ATG5: variants seen among roughly 807,000 people sequenced by gnomAD.
ATG5 encodes autophagy related 5, also known as autophagy protein 5.
A neutral mutation model predicts 36.5 loss-of-function variants in ATG5; 14 were observed. That is an observed-to-expected ratio of 0.38 (90% CI 0.25 to 0.60). ATG5 has a LOEUF of 0.60. Among genes scored for constraint, ATG5 ranks in the 20% least tolerant of loss-of-function variants. The probability of loss-of-function intolerance (pLI) is 0.60; values close to 1 mark genes in which losing one functional copy is unlikely to be tolerated. For synonymous variants in ATG5, 95 were observed against 101.5 expected (o/e 0.94, Z 0.38); for missense variants, 195 against 326.7 (o/e 0.60, Z 3.11).
intron 6 of ATG5, among the ~76,000 whole-genome samples, chr6:106,220,154 G>C (rs927546606): frequency 1.3e-5 from 2 of 152,074 alleles, no homozygotes; most frequent in Non-Finnish European, 2.9e-5. Context: ...TCTAAGCTGA[G>C]AATTACATTT....
chr6:106,291,505 G>C (rs550749545), intron 4 of ATG5, among the ~76,000 whole-genome samples: 5 of 152,290 alleles, frequency 3.3e-5, no homozygotes, highest in African/African-American at 1.2e-4. Context: ...TGAATCCATT[G>C]AAAGGGTTTC....
At chr6:106,231,716 T>C (rs1170306378) in intron 6 of ATG5, among the ~76,000 whole-genome samples, 1 of 152,048 alleles carries the variant, frequency 6.6e-6, no homozygotes, top group African/African-American at 2.4e-5. Context: ...CTACAGACAT[T>C]AGGAAAAAAC....
intron 6 of ATG5, among the ~76,000 whole-genome samples, chr6:106,218,225 G>A (rs1777113823): frequency 6.6e-6 from 1 of 152,120 alleles, no homozygotes; most frequent in Non-Finnish European, 1.5e-5. Flanking sequence ...CTTAAAAGAT[G>A]ATAAACATGG....
chr6:106,257,038 AT>A (rs1304644977), intron 5 of ATG5, among the ~76,000 whole-genome samples: 5 of 152,298 alleles, frequency 3.3e-5, no homozygotes, highest in Admixed American at 6.5e-5. Flanking sequence ...TTAAAAATTT[AT>A]TTTTTTAACT....
chr6:106,220,744 A>G (rs1777215532), intron 6 of ATG5, among the ~76,000 whole-genome samples: 1 of 152,200 alleles, frequency 6.6e-6, no homozygotes, highest in South Asian at 2.1e-4. Context: ...ATGTTACATG[A>G]AAATCACTTA....
At chr6:106,319,195 T>C (rs918394587) in intron 1 of ATG5, among the ~76,000 whole-genome samples, 2 of 152,216 alleles carry the variant, frequency 1.3e-5, no homozygotes, top group African/African-American at 2.4e-5. Context: ...TCATATAATA[T>C]GTACTATAAA....
chr6:106,269,371 G>A (rs1043450156), intron 5 of ATG5, among the ~76,000 whole-genome samples: 5 of 149,754 alleles, frequency 3.3e-5, no homozygotes, highest in Non-Finnish European at 7.4e-5. Flanking sequence ...CGGGGCTGCT[G>A]GTGGAGCTGC....
chr6:106,294,845 G>GAAA (rs1219794619), intron 3 of ATG5, among the ~76,000 whole-genome samples: 2 of 85,940 alleles, frequency 2.3e-5, no homozygotes, highest in African/African-American at 4.2e-5. Flanking sequence ...CTTTTCTCAA[G>GAAA]AAAAAAAAAA....
chr6:106,192,860 G>A (rs1379056676), intron 7 of ATG5, among the ~76,000 whole-genome samples: 1 of 152,128 alleles, frequency 6.6e-6, no homozygotes, highest in African/African-American at 2.4e-5. Flanking sequence ...TTTAACCTCT[G>A]ATATGTTCAT....
chr6:106,210,029 T>C (rs1292987793), intron 6 of ATG5, among the ~76,000 whole-genome samples: 1 of 152,216 alleles, frequency 6.6e-6, no homozygotes, highest in Admixed American at 6.5e-5. Flanking sequence ...GATTCATGTT[T>C]AAAGTTTGAG....
At chr6:106,275,162 G>A (rs547193045) in intron 5 of ATG5, among the ~76,000 whole-genome samples, 2 of 152,260 alleles carry the variant, frequency 1.3e-5, no homozygotes, top group Non-Finnish European at 2.9e-5. Context: ...GCATCAGTAG[G>A]AGTTAAAGGG....
chr6:106,193,577 T>G (rs1314843773), intron 7 of ATG5, among the ~76,000 whole-genome samples: 1 of 152,180 alleles, frequency 6.6e-6, no homozygotes, highest in African/African-American at 2.4e-5. Context: ...TTAAAACTGA[T>G]TAAAAGCTTC....
chr6:106,294,634 G>C (rs1009547202), intron 3 of ATG5, among the ~76,000 whole-genome samples: 4 of 150,380 alleles, frequency 2.7e-5, no homozygotes, highest in Non-Finnish European at 5.9e-5. Context: ...ACCAGTTCCA[G>C]TACCTGAGAC....
rs909508455 is a variant in ATG5 at position 106,196,835 on chromosome 6, C to T, written c.691+5137G>A. ...TCCCACTCTAGGCACTCCTTAACCA[C>T]ACCCACAAACTAGAAATTGGCAACC... On this transcript the variant is annotated intron_variant, in intron 7 of 7. Transcript: ENST00000369076. Among the ~76,000 whole-genome samples, 21 of 110,502 alleles carry T rather than the reference C, an allele frequency of 1.9e-4. No individual in the cohort carries two copies. In the East Asian group the frequency reaches 3.2e-3, roughly 17 times the overall value. 72.5% of individuals were successfully genotyped at this position (110,502 alleles called of 152,430 possible). A position where few individuals can be genotyped will look rare whatever the true frequency, so the allele number is the denominator to read the frequency against.
intron 5 of ATG5, among the ~76,000 whole-genome samples, chr6:106,277,044 A>C (rs1487455208): frequency 6.6e-6 from 1 of 152,202 alleles, no homozygotes; most frequent in Non-Finnish European, 1.5e-5. Context: ...AAATCTAAAA[A>C]TTTTAAAACA....
chr6:106,308,232 C>T (rs780187657), intron 3 of ATG5, 132 bp downstream of exon 3: 44 of 693,268 alleles, frequency 6.3e-5, no homozygotes, highest in Non-Finnish European at 8.8e-5. Context: ...ATAGTCTAAA[C>T]TTCACATATT....
At chr6:106,237,940 A>C (rs998648620) in intron 6 of ATG5, among the ~76,000 whole-genome samples, 1 of 152,186 alleles carries the variant, frequency 6.6e-6, no homozygotes, top group Non-Finnish European at 1.5e-5. Context: ...TTGGGTATTT[A>C]ATCAATATTT....
At chr6:106,194,467 TTATTAACATA>T (rs1776095254) in intron 7 of ATG5, among the ~76,000 whole-genome samples, 1 of 152,210 alleles carries the variant, frequency 6.6e-6, no homozygotes, top group Admixed American at 6.5e-5. Flanking sequence ...CTAATTCACT[TTATTAACATA>T]ATCTAATCAT....
At position 106,184,689 on chromosome 6, in the gene ATG5, C is replaced by A. The variant is rs1329788959; in HGVS notation, c.*1851G>T. On this transcript the variant is annotated 3_prime_UTR_variant, in exon 8 of 8. Transcript: ENST00000369076. ...GCAATGTCTTCATAAAATTTACTTT[C>A]AAATCTAGATCAGAAGTTCACTCAA... 6.6e-6 allele frequency: 1 copy of A among 152,232 alleles called. No individual in the cohort carries two copies. Among genetic ancestry groups the A allele is most frequent in the Non-Finnish European group, 1.5e-5 (1 of 67,994 alleles). The allele number at this position is 152,232 out of a possible 1,614,324, so 9.4% of individuals were successfully genotyped here. A position where few individuals can be genotyped will look rare whatever the true frequency, so the allele number is the denominator to read the frequency against.
Sources: gnomAD v4.1 joint callset for allele counts (sites outside exome capture counted in the v4.1 genomes callset) on GRCh38, gnomAD v4.1.1 for gene constraint, MANE v1.5 for transcripts, NCBI Gene and HGNC (gene_info 2026-07-23, HGNC 2026-07-21) for gene names.